TEX11: variants seen among roughly 807,000 people sequenced by gnomAD.
The protein encoded by TEX11 is testis expressed 11.
A neutral mutation model predicts 84.4 loss-of-function variants in TEX11; 7 were observed. The ratio of observed to expected loss-of-function variants is 0.08; its 90% CI spans 0.05 to 0.16. TEX11 has a LOEUF of 0.16. Ranked by LOEUF, TEX11 falls within the 10% of genes least tolerant of loss-of-function variation. The pLI, the probability that TEX11 is intolerant of heterozygous loss-of-function variation, is 1.00. For missense variants in TEX11, 551 were observed against 660.5 expected (o/e 0.83, Z 1.82); for synonymous variants, 264 against 222.8 (o/e 1.18, Z -1.64).
At chrX:70,659,987 A>G (rs1329466064) in intron 16 of TEX11, among the ~76,000 whole-genome samples, 1 of 112,495 alleles carries the variant, frequency 8.9e-6, no homozygotes, top group South Asian at 3.7e-4. Flanking sequence ...GGTATAGCCC[A>G]TTGCTCCTAG....
At chrX:70,821,386 G>T in intron 8 of TEX11, among the ~76,000 whole-genome samples, 1 of 111,525 alleles carries the variant, frequency 9.0e-6, no homozygotes, top group East Asian at 2.8e-4. Context: ...GGAGGTGATT[G>T]GATCATAGGG....
chrX:70,574,229 A>T (rs1462701096), intron 25 of TEX11, among the ~76,000 whole-genome samples: 1 of 112,132 alleles, frequency 8.9e-6, no homozygotes, highest in Non-Finnish European at 1.9e-5. Flanking sequence ...TCCAAAAATG[A>T]TAATCTTCAA....
At chrX:70,867,862 T>C (rs938788132) in intron 4 of TEX11, among the ~76,000 whole-genome samples, 2 of 111,598 alleles carry the variant, frequency 1.8e-5, no homozygotes, top group African/African-American at 3.3e-5. Flanking sequence ...TTACACCTTA[T>C]AAAAAAATTA....
intron 4 of TEX11, among the ~76,000 whole-genome samples, chrX:70,861,448 G>GATTTATTTATTT (rs67849004): frequency 4.7e-5 from 5 of 105,305 alleles, no homozygotes; most frequent in South Asian, 8.9e-4. Flanking sequence ...TTCAGTAAGA[G>GATTTATTTATTT]ATTTATTTAT....
Position 70,529,004 on chromosome X carries a change from CAG to C in TEX11, c.*89_*90del, listed in dbSNP as rs1160237507. The C allele has an allele frequency of 1.5e-6, 1 of 683,068 alleles. No homozygotes were observed. Among genetic ancestry groups the C allele is most frequent in the Non-Finnish European group, 2.3e-6 (1 of 442,351 alleles). The allele number at this position is 683,068 out of a possible 1,213,427, so 56.3% of individuals were successfully genotyped here. A position where few individuals can be genotyped will look rare whatever the true frequency, so the allele number is the denominator to read the frequency against. ...AACATGAAAACAGGGTCTGAGCAAA[CAG>C]AAACAAAAGCTCAAGAGAAACTCTG... On this transcript the variant is annotated 3_prime_UTR_variant, in exon 30 of 30. Coordinates refer to ENST00000374333, the MANE Select transcript of TEX11 (RefSeq NM_031276.3).
At chrX:70,775,673 G>C (rs2090996744) in intron 9 of TEX11, among the ~76,000 whole-genome samples, 2 of 107,963 alleles carry the variant, frequency 1.9e-5, no homozygotes, top group Admixed American at 1.0e-4. Context: ...GGTGATGCAC[G>C]CCTGTGATCC....
intron 17 of TEX11, among the ~76,000 whole-genome samples, chrX:70,641,448 A>C (rs184427668): frequency 0.014 from 1,509 of 111,184 alleles, 19 homozygotes; most frequent in African/African-American, 0.047. Flanking sequence ...TCTCCACCCC[A>C]AATCAACAGA....
At chrX:70,713,289 G>A (rs927330206) in intron 13 of TEX11, among the ~76,000 whole-genome samples, 2 of 111,731 alleles carry the variant, frequency 1.8e-5, no homozygotes, top group Non-Finnish European at 3.8e-5. Flanking sequence ...TTGGTATCAG[G>A]ATGATGCTGG....
chrX:70,879,255 A>G (rs1179314044), intron 3 of TEX11, among the ~76,000 whole-genome samples: 1 of 111,205 alleles, frequency 9.0e-6, no homozygotes, highest in African/African-American at 3.3e-5. Context: ...ACTAAAAACT[A>G]TTGAATTGTA....
chrX:70,871,833 C>T (rs1397166248), intron 4 of TEX11, among the ~76,000 whole-genome samples: 2 of 106,328 alleles, frequency 1.9e-5, no homozygotes, highest in African/African-American at 6.9e-5. Context: ...TTGCTTCCCC[C>T]TTTTTTCTCC....
intron 9 of TEX11, among the ~76,000 whole-genome samples, chrX:70,777,826 G>C (rs1047183191): frequency 3.6e-5 from 4 of 111,197 alleles, no homozygotes; most frequent in Non-Finnish European, 7.5e-5. Context: ...AAGACAGCAA[G>C]AAGGGAAGAG....
At chrX:70,608,523 C>T (rs779272348) in intron 22 of TEX11, among the ~76,000 whole-genome samples, 1 of 110,708 alleles carries the variant, frequency 9.0e-6, no homozygotes, top group Admixed American at 9.6e-5. Flanking sequence ...AGGTGGATCA[C>T]GAGGTCAGGA....
intron 15 of TEX11, among the ~76,000 whole-genome samples, chrX:70,674,552 C>A (rs2090052964): frequency 8.9e-6 from 1 of 112,028 alleles, no homozygotes; most frequent in Admixed American, 9.4e-5. Flanking sequence ...TACAACCTTG[C>A]CAGCATCTAT....
intron 11 of TEX11, among the ~76,000 whole-genome samples, chrX:70,728,213 C>T (rs897045121): frequency 4.4e-5 from 5 of 112,552 alleles, no homozygotes; most frequent in Non-Finnish European, 7.5e-5. Context: ...AGGAACAGCT[C>T]CAGTCTACAG....
chrX:70,682,364 A>T (rs2090154095), intron 14 of TEX11, among the ~76,000 whole-genome samples: 1 of 111,742 alleles, frequency 8.9e-6, no homozygotes. Flanking sequence ...GTACACAGCT[A>T]AATTGAGATC....
At chrX:70,740,493 T>G (rs2090726214) in intron 11 of TEX11, among the ~76,000 whole-genome samples, 1 of 111,510 alleles carries the variant, frequency 9.0e-6, no homozygotes. Flanking sequence ...TATCATCACT[T>G]TGGGGGTTAA....
rs1019995860 is a variant in TEX11, at chrX:70,553,424, G to A, written c.2291-10C>T. The A allele has an allele frequency of 1.8e-6, 2 of 1,137,685 alleles. No individual in the cohort carries two copies. The highest frequency in any genetic ancestry group is 2.4e-5 in the Admixed American group (1 of 41,657). 93.8% of individuals were successfully genotyped at this position (1,137,685 alleles called of 1,213,427 possible). On this transcript the variant is annotated splice_polypyrimidine_tract_variant and intron_variant, in intron 26 of 29. Coordinates refer to ENST00000374333, the MANE Select transcript of TEX11 (RefSeq NM_031276.3). Reference sequence around the variant, plus strand: ...TTTTCCATTGCTATTACTAGAGTAAGAAAAGGAAAAAGGTTGTGAACATGA... The same window carrying A: ...TTTTCCATTGCTATTACTAGAGTAAAAAAAGGAAAAAGGTTGTGAACATGA...
intron 4 of TEX11, among the ~76,000 whole-genome samples, chrX:70,870,739 GTTC>G (rs1166257300): frequency 8.9e-6 from 1 of 111,787 alleles, no homozygotes; most frequent in Non-Finnish European, 1.9e-5. Flanking sequence ...TCACTACTTT[GTTC>G]TTCTCTCAAT....
intron 25 of TEX11, among the ~76,000 whole-genome samples, chrX:70,560,708 T>C (rs1052468502): frequency 1.8e-5 from 2 of 109,931 alleles, no homozygotes; most frequent in Non-Finnish European, 3.8e-5. Flanking sequence ...TATTCTCCTA[T>C]GATTTTTCAT....
Sources: gnomAD v4.1 joint callset for allele counts (sites outside exome capture counted in the v4.1 genomes callset) on GRCh38, gnomAD v4.1.1 for gene constraint, MANE v1.5 for transcripts, NCBI Gene and HGNC (gene_info 2026-07-23, HGNC 2026-07-21) for gene names.